NPAS2: variants seen among roughly 807,000 people sequenced by gnomAD.
The protein encoded by NPAS2 is neuronal PAS domain-containing protein 2.
In NPAS2, 23 loss-of-function variants were observed where a neutral mutation model predicts 107.5. The observed-to-expected ratio is 0.21, with a 90% CI of 0.15 to 0.30. NPAS2 has a LOEUF of 0.30. Among genes scored for constraint, NPAS2 ranks in the 10% least tolerant of loss-of-function variants. NPAS2 has a pLI of 1.00. For missense variants in NPAS2, 756 were observed against 1,043.3 expected (o/e 0.72, Z 3.79); for synonymous variants, 403 against 417.5 (o/e 0.97, Z 0.42).
chr2:100,939,192 T>G (rs1674422232), intron 5 of NPAS2, among the ~76,000 whole-genome samples: 1 of 152,206 alleles, frequency 6.6e-6, no homozygotes, highest in Non-Finnish European at 1.5e-5. Context: ...TGATGCTGTG[T>G]GCAGATCGAA....
rs1678457787 is a variant in NPAS2 at position 100,996,828 on chromosome 2, T to C, written c.*1246T>C. On this transcript the variant is annotated 3_prime_UTR_variant, in exon 21 of 21. Coordinates refer to ENST00000335681, the MANE Select transcript of NPAS2 (RefSeq NM_002518.4). ...GTAATAAATTAACAAATTTGTACAA[T>C]TTCCTCTGTCCCTTGTTATACATCC... The C allele has an allele frequency of 6.6e-6, 1 of 152,260 alleles. No individual in the cohort carries two copies. The highest frequency in any genetic ancestry group is 2.4e-5 in the African/African-American group (1 of 41,482). 9.4% of individuals were successfully genotyped at this position (152,260 alleles called of 1,614,324 possible).
At chr2:100,887,000 A>G (rs1364225208) in intron 1 of NPAS2, among the ~76,000 whole-genome samples, 2 of 152,234 alleles carry the variant, frequency 1.3e-5, no homozygotes, top group Admixed American at 6.5e-5. Context: ...CATAAAGGGG[A>G]AAAATGTCCA....
chr2:100,897,949 A>G (rs963062851), intron 1 of NPAS2, among the ~76,000 whole-genome samples: 3 of 152,200 alleles, frequency 2.0e-5, no homozygotes, highest in African/African-American at 7.2e-5. Context: ...CTGCCTCATC[A>G]CAGAGCCCAA....
intron 1 of NPAS2, among the ~76,000 whole-genome samples, chr2:100,902,573 TTCTTGTTGAATGAA>T (rs1681856077): frequency 6.6e-6 from 1 of 152,228 alleles, no homozygotes; most frequent in African/African-American, 2.4e-5. Context: ...GAATGGGGAC[TTCTTGTTGAATGAA>T]TAGTTTATGC....
intron 7 of NPAS2, among the ~76,000 whole-genome samples, chr2:100,953,659 A>C (rs1232969044): frequency 6.6e-6 from 1 of 152,154 alleles, no homozygotes; most frequent in East Asian, 1.9e-4. Context: ...GGACACGTAG[A>C]AGGGTTGCAT....
chr2:100,822,948 T>C (rs1324173994), intron 1 of NPAS2: 1 of 152,218 alleles, frequency 6.6e-6, no homozygotes, highest in African/African-American at 2.4e-5. Context: ...CATTATTTGC[T>C]TACAGAAGTG....
chr2:100,835,721 A>AG (rs1029158058), intron 1 of NPAS2, among the ~76,000 whole-genome samples: 6 of 152,154 alleles, frequency 3.9e-5, no homozygotes, highest in Non-Finnish European at 7.3e-5. Context: ...ATGGAAAGGT[A>AG]GGGGTCACCT....
At chr2:100,901,633 T>C (rs778705702) in intron 1 of NPAS2, 22 of 834,846 alleles carry the variant, frequency 2.6e-5, no homozygotes, top group Non-Finnish European at 3.2e-5. Flanking sequence ...TTTATTCCCT[T>C]GGCTCCCTTC....
intron 1 of NPAS2, among the ~76,000 whole-genome samples, chr2:100,832,480 G>C (rs1472033954): frequency 6.6e-6 from 1 of 152,170 alleles, no homozygotes; most frequent in Admixed American, 6.5e-5. Flanking sequence ...GTGAAAAATG[G>C]GGATTTATTG....
At chr2:100,903,055 C>T (rs899051127) in intron 1 of NPAS2, among the ~76,000 whole-genome samples, 1 of 152,220 alleles carries the variant, frequency 6.6e-6, no homozygotes, top group Non-Finnish European at 1.5e-5. Context: ...TAGTTTATGA[C>T]TCAGCAACCC....
chr2:100,865,264 C>T (rs1356022238), intron 1 of NPAS2, among the ~76,000 whole-genome samples: 1 of 152,268 alleles, frequency 6.6e-6, no homozygotes, highest in East Asian at 1.9e-4. Context: ...CGAATCTGTT[C>T]TCTGTCCATG....
At chr2:100,916,916 T>C (rs1292065862) in intron 2 of NPAS2, among the ~76,000 whole-genome samples, 1 of 152,186 alleles carries the variant, frequency 6.6e-6, no homozygotes, top group African/African-American at 2.4e-5. Context: ...ACAAACTGTG[T>C]AGTAATCCAT....
At chr2:100,878,230 G>A (rs1165128491) in intron 1 of NPAS2, 1 of 985,260 alleles carries the variant, frequency 1.0e-6, no homozygotes, top group Non-Finnish European at 1.2e-6. Flanking sequence ...AAGCTGGGCA[G>A]AAGGCAAAAA....
At chr2:100,988,058 G>C (rs1261956555) in intron 16 of NPAS2, 21 bp from the exon 17 acceptor site, 1 of 1,610,020 alleles carries the variant, frequency 6.2e-7, no homozygotes, top group Admixed American at 1.7e-5. Context: ...AACTTCACAG[G>C]CATTTCTATT....
chr2:100,974,723 C>T, intron 12 of NPAS2, 80 bp from the exon 13 acceptor site: 1 of 1,476,808 alleles, frequency 6.8e-7, no homozygotes, highest in Non-Finnish European at 9.2e-7. Flanking sequence ...AGGTTGTCGA[C>T]ATATTTAGAA....
At chr2:100,909,947 G>A (rs151244823) in intron 2 of NPAS2, among the ~76,000 whole-genome samples, 134 of 152,254 alleles carry the variant, frequency 8.8e-4, no homozygotes, top group Non-Finnish European at 1.5e-3. Context: ...GCCTCCCTCT[G>A]CTGAGGGGCT....
intron 1 of NPAS2, among the ~76,000 whole-genome samples, chr2:100,832,982 G>A (rs60807664): frequency 0.044 from 6,714 of 152,170 alleles, 394 homozygotes; most frequent in East Asian, 0.3. Flanking sequence ...TCCCTGAGGC[G>A]ATGTCTGTGT....
intron 19 of NPAS2, among the ~76,000 whole-genome samples, chr2:100,992,518 C>T (rs62152933): frequency 2.0e-5 from 2 of 101,322 alleles, no homozygotes; most frequent in Middle Eastern, 0.014. Context: ...TAGAGTTCTC[C>T]CTAGATCTGT....
intron 1 of NPAS2, among the ~76,000 whole-genome samples, chr2:100,834,485 A>G (rs1264099081): frequency 1.3e-5 from 2 of 152,198 alleles, no homozygotes; most frequent in Non-Finnish European, 2.9e-5. Flanking sequence ...AGGTGCGGAC[A>G]TCTGACTTTT....
Sources: allele counts gnomAD v4.1 joint callset (sites outside exome capture counted in the v4.1 genomes callset), GRCh38; gene constraint gnomAD v4.1.1; transcripts MANE v1.5; gene names NCBI Gene and HGNC (gene_info 2026-07-23, HGNC 2026-07-21).